The following DIS3L2 variants were observed in gnomAD, a reference collection of about 807,000 sequenced individuals.
The protein encoded by DIS3L2 is DIS3-like exonuclease 2.
Under a neutral mutation model 97.5 loss-of-function variants are expected in DIS3L2, and 34 were observed. The ratio of observed to expected loss-of-function variants is 0.35; its 90% CI spans 0.27 to 0.46. The LOEUF (loss-of-function observed/expected upper bound fraction) is 0.46. DIS3L2 is among the 20% of genes least tolerant of loss of function. The probability of loss-of-function intolerance (pLI) is 1.00; values close to 1 mark genes in which losing one functional copy is unlikely to be tolerated. For synonymous variants in DIS3L2, 435 were observed against 445.2 expected (o/e 0.98, Z 0.29); for missense variants, 1,038 against 1,146.0 (o/e 0.91, Z 1.36).
At chr2:232,032,294 A>G (rs1694826059) in intron 5 of DIS3L2, among the ~76,000 whole-genome samples, 1 of 152,186 alleles carries the variant, frequency 6.6e-6, no homozygotes, top group Admixed American at 6.5e-5. Flanking sequence ...TCTGTTGGCC[A>G]CATAAATGTC....
chr2:232,314,414 G>C (rs569403705), intron 14 of DIS3L2, among the ~76,000 whole-genome samples: 1 of 152,304 alleles, frequency 6.6e-6, no homozygotes, highest in East Asian at 1.9e-4. Flanking sequence ...AGAGAGGGTC[G>C]AGACCCAAAC....
At chr2:232,030,288 T>C (rs1175762659) in intron 5 of DIS3L2, among the ~76,000 whole-genome samples, 1 of 152,202 alleles carries the variant, frequency 6.6e-6, no homozygotes, top group Non-Finnish European at 1.5e-5. Context: ...TTCTCCTTGC[T>C]CTCTCTCTAG....
intron 6 of DIS3L2, among the ~76,000 whole-genome samples, chr2:232,101,111 T>TG (rs1697191095): frequency 6.6e-6 from 1 of 151,754 alleles, no homozygotes; most frequent in African/African-American, 2.4e-5. Context: ...GCACCCCTGT[T>TG]GCCCTAGCTA....
chr2:232,201,935 CAACTTTCCTG>C (rs1691904435), intron 9 of DIS3L2, among the ~76,000 whole-genome samples: 1 of 152,140 alleles, frequency 6.6e-6, no homozygotes, highest in Non-Finnish European at 1.5e-5. Flanking sequence ...ACTATTCTTT[CAACTTTCCTG>C]AAAGTTTAAC....
intron 1 of DIS3L2, among the ~76,000 whole-genome samples, chr2:231,985,546 A>T (rs7585924): frequency 6.6e-6 from 1 of 152,242 alleles, no homozygotes; most frequent in Non-Finnish European, 1.5e-5. Context: ...GTTCATGTGC[A>T]GCTTTCATTT....
chr2:232,160,908 TTTTGTTTGTTTG>T (rs926364238), intron 8 of DIS3L2, among the ~76,000 whole-genome samples: 1 of 152,034 alleles, frequency 6.6e-6, no homozygotes, highest in African/African-American at 2.4e-5. Flanking sequence ...ATTCATTCAT[TTTTGTTTGTTTG>T]TTTGTTTGTT....
At chr2:232,015,475 T>C in intron 2 of DIS3L2, 39 bp from the exon 3 acceptor site, 1 of 1,600,010 alleles carries the variant, frequency 6.2e-7, no homozygotes, top group Non-Finnish European at 8.5e-7. Context: ...AATACACAGA[T>C]GTTTGAGGAA....
intron 9 of DIS3L2, among the ~76,000 whole-genome samples, chr2:232,209,436 G>T (rs947517036): frequency 1.3e-5 from 2 of 152,218 alleles, no homozygotes; most frequent in Non-Finnish European, 2.9e-5. Context: ...AACATCATCA[G>T]TGTTGATGAA....
chr2:232,246,142 A>C (rs891113190), intron 11 of DIS3L2, among the ~76,000 whole-genome samples: 2 of 152,218 alleles, frequency 1.3e-5, no homozygotes, highest in Admixed American at 1.3e-4. Context: ...GCAGAAGAGC[A>C]GGGAGGATGG....
rs1324972453 is a variant in DIS3L2, at chr2:232,276,086, G to GA, written c.1659+12647dup. ...TAAAGGAAATCTGCCAGAGTAGATG[G>GA]AGATGAGGGCAACACCCAGGGAGGG... On this transcript the variant is annotated intron_variant, in intron 13 of 20. Coordinates refer to ENST00000325385, the MANE Select transcript of DIS3L2 (RefSeq NM_152383.5). The surrounding 1 kb of genome is among the most constrained non-coding windows in gnomAD (Gnocchi z 4.4). Among the ~76,000 whole-genome samples the GA allele has an allele frequency of 1.3e-5, 2 of 152,228 alleles. No homozygotes were observed. Among genetic ancestry groups the GA allele is most frequent in the Non-Finnish European group, 2.9e-5 (2 of 68,036 alleles).
chr2:232,129,868 A>G (rs1698169502), intron 6 of DIS3L2, among the ~76,000 whole-genome samples: 2 of 152,356 alleles, frequency 1.3e-5, no homozygotes, highest in South Asian at 4.1e-4. Flanking sequence ...TTTGTGGGGA[A>G]ATCTAATGTA....
At chr2:231,962,437 CTTT>C (rs752430172) in intron 1 of DIS3L2, among the ~76,000 whole-genome samples, 1 of 132,058 alleles carries the variant, frequency 7.6e-6, no homozygotes. Context: ...CTACCGTTAC[CTTT>C]TTTTTTTTTT....
chr2:232,258,338 A>C (rs1693622799), intron 12 of DIS3L2, among the ~76,000 whole-genome samples: 1 of 152,166 alleles, frequency 6.6e-6, no homozygotes, highest in Admixed American at 6.5e-5. Context: ...TAATCCCAGC[A>C]CTTTGGGAGG....
intron 12 of DIS3L2, among the ~76,000 whole-genome samples, chr2:232,253,960 A>T (rs1481268604): frequency 6.6e-6 from 1 of 152,228 alleles, no homozygotes; most frequent in African/African-American, 2.4e-5. Flanking sequence ...CAATAAACCC[A>T]TCCTCCCCAC....
At chr2:232,237,927 C>CTACA (rs367906360) in intron 10 of DIS3L2, among the ~76,000 whole-genome samples, 21 of 152,272 alleles carry the variant, frequency 1.4e-4, no homozygotes, top group African/African-American at 4.6e-4. Context: ...CCCATGACAG[C>CTACA]TACATACAGA....
At chr2:232,340,302 C>T (rs1696076950), downstream of DIS3L2, among the ~76,000 whole-genome samples, 1 of 152,142 alleles carries the variant, frequency 6.6e-6, no homozygotes. Context: ...TGGAACTGCC[C>T]CAGCCTGCAC....
At chr2:232,299,214 C>T (rs76585807) in intron 13 of DIS3L2, among the ~76,000 whole-genome samples, 14 of 152,234 alleles carry the variant, frequency 9.2e-5, no homozygotes, top group East Asian at 5.8e-4. Context: ...TCCCAGCCCC[C>T]CTGGCCGCTC....
intron 5 of DIS3L2, among the ~76,000 whole-genome samples, chr2:232,065,706 T>A (rs1472390082): frequency 7.2e-5 from 11 of 152,036 alleles, no homozygotes; most frequent in Admixed American, 7.2e-4. Context: ...TATCTACTTC[T>A]ATGCATAAAG....
At chr2:232,171,460 G>A (rs997828014) in intron 9 of DIS3L2, among the ~76,000 whole-genome samples, 1 of 152,066 alleles carries the variant, frequency 6.6e-6, no homozygotes, top group Non-Finnish European at 1.5e-5. Context: ...GAAAGAAAAT[G>A]GTATCCCATC....
Sources: gnomAD v4.1 joint callset for allele counts (sites outside exome capture counted in the v4.1 genomes callset) on GRCh38, gnomAD v4.1.1 for gene constraint, Gnocchi (gnomAD v3.1) non-coding constraint, MANE v1.5 for transcripts, NCBI Gene and HGNC (gene_info 2026-07-23, HGNC 2026-07-21) for gene names.